The following MOK variants were observed in gnomAD, a reference collection of about 807,000 sequenced individuals.
MOK encodes the protein MOK protein kinase.
MOK carries 59 observed loss-of-function variants against 54.2 expected under a neutral mutation model. That is an observed-to-expected ratio of 1.09 (90% confidence interval 0.88 to 1.35). MOK has a LOEUF of 1.35. Among genes scored for constraint, MOK ranks in the 40% most tolerant of loss-of-function variants. The pLI, the probability that MOK is intolerant of heterozygous loss-of-function variation, is 0.00. For missense variants in MOK, 517 were observed against 526.2 expected (o/e 0.98, Z 0.17); for synonymous variants, 210 against 202.7 (o/e 1.04, Z -0.31).
At chr14:102,294,319 A>G (rs1402312023) in intron 1 of MOK, among the ~76,000 whole-genome samples, 7 of 151,336 alleles carry the variant, frequency 4.6e-5, no homozygotes, top group Non-Finnish European at 8.8e-5. Flanking sequence ...GGTGGTGGGC[A>G]CGTGTAGTCC....
chr14:102,297,637 C>T lies in MOK; in HGVS notation c.7+7325G>A, dbSNP rs543393564. Among the ~76,000 whole-genome samples, 535 of 152,312 alleles carry T rather than the reference C, an allele frequency of 3.5e-3. 2 individuals are homozygous for T. Among genetic ancestry groups the T allele is most frequent in the Non-Finnish European group, 5.0e-3 (342 of 68,026 alleles). ...GCTGGCCGGGGCCAGAGCCGGCTCC[C>T]TCAGCTTGCGGGGAGGTGTGGAGGA... is the stretch of plus-strand genomic sequence containing the variant. On this transcript the variant is annotated intron_variant, in intron 1 of 11. Transcript: ENST00000361847.
intron 1 of MOK, among the ~76,000 whole-genome samples, chr14:102,291,147 C>G (rs573238888): frequency 1.3e-5 from 2 of 152,264 alleles, no homozygotes; most frequent in Non-Finnish European, 2.9e-5. Context: ...GGACAGAGCA[C>G]GGTACCATAT....
At chr14:102,234,999 C>T (rs1187819536) in intron 7 of MOK, 1 of 151,896 alleles carries the variant, frequency 6.6e-6, no homozygotes, top group East Asian at 1.9e-4. Context: ...GACGACTTCT[C>T]CTTCTTTGAT....
At chr14:102,217,248 G>A in the MOK span, among the ~76,000 whole-genome samples, 5 of 152,162 alleles carry the variant, frequency 3.3e-5, no homozygotes, top group Admixed American at 2.0e-4. Context: ...GTGACAGCCC[G>A]GGCCGGTGCT....
downstream of MOK, chr14:102,224,499 A>T: frequency 2.3e-6 from 1 of 444,194 alleles, no homozygotes; most frequent in Non-Finnish European, 4.5e-6. Context: ...ATACAACTGG[A>T]TCCTTCGAAA....
At chr14:102,218,929 C>T in the MOK span, among the ~76,000 whole-genome samples, 1 of 152,224 alleles carries the variant, frequency 6.6e-6, no homozygotes, top group Non-Finnish European at 1.5e-5. Context: ...TTGCCAGGTC[C>T]TCCGTCGGCC....
intron 7 of MOK, among the ~76,000 whole-genome samples, chr14:102,234,702 T>G (rs1256931668): frequency 6.6e-6 from 1 of 152,138 alleles, no homozygotes; most frequent in Non-Finnish European, 1.5e-5. Context: ...CGTTCAGAAA[T>G]CTGCCCTAAA....
intron 4 of MOK, among the ~76,000 whole-genome samples, chr14:102,261,541 T>A (rs940794449): frequency 4.7e-5 from 7 of 148,978 alleles, no homozygotes; most frequent in South Asian, 4.2e-4. Flanking sequence ...ATTTTTTTTT[T>A]ATTTTCTGTT....
In MOK at chr14:102,245,513, T is replaced by C. The variant is rs1174734641; in HGVS notation, c.590+5299A>G. ...GGTCCCTGCCTTAACTGATATTTCC[T>C]TGTGAAATTCCTTTTCTCAGAAGCT... is the stretch of plus-strand genomic sequence containing the variant. On this transcript the variant is annotated intron_variant, in intron 7 of 11. Coordinates refer to ENST00000361847, the MANE Select transcript of MOK (RefSeq NM_014226.3). This position sits in a 1 kb window ranked among gnomAD's most constrained non-coding sequence, Gnocchi z 4.3. Among the ~76,000 whole-genome samples, 1 of 152,150 alleles carries C rather than the reference T, an allele frequency of 6.6e-6. No individual in the cohort carries two copies. Among genetic ancestry groups the C allele is most frequent in the African/African-American group, 2.4e-5 (1 of 41,432 alleles).
chr14:102,293,701 C>CCAAAAAAAAAAAAAAAAAAAAAAAAAAAA (rs1432616309), intron 1 of MOK, among the ~76,000 whole-genome samples: 1 of 54,598 alleles, frequency 1.8e-5, no homozygotes, highest in Admixed American at 2.8e-4. Flanking sequence ...AACTCCATCA[C>CCAAAAAAAAAAAAAAAAAAAAAAAAAAAA]AAAAAAAAAA....
chr14:102,229,575 G>A lies in MOK; in HGVS notation c.1064C>T (p.Ser355Leu), dbSNP rs750706626. Residue 355 changes from serine (S) to leucine (L), a missense_variant, in exon 11 of 12, where the codon TCG (serine) becomes TTG (leucine). Physicochemically the swap from Ser to Leu is moderately radical, Grantham distance 145. Transcript: ENST00000361847. The stretch of plus-strand genomic sequence containing the variant: ...GTAAGACGACAGTCTGACCACTCCC[G>A]AAAGCTTTAGTTTGGGCAGTTCCAT... ...YVMELPKLKL[S>L]GVVRLSSYSS... The A allele has an allele frequency of 8.1e-6, 13 of 1,614,188 alleles. No homozygotes were observed. The highest frequency in any genetic ancestry group is 5.0e-5 in the Admixed American group (3 of 60,026).
intron 1 of MOK, among the ~76,000 whole-genome samples, chr14:102,294,111 G>A (rs140214040): frequency 8.0e-5 from 12 of 150,902 alleles, no homozygotes; most frequent in Non-Finnish European, 1.3e-4. Context: ...ACCAGCCTGG[G>A]TAACATGGTG....
intron 1 of MOK, among the ~76,000 whole-genome samples, chr14:102,286,083 A>G (rs2070027057): frequency 6.6e-6 from 1 of 150,788 alleles, no homozygotes; most frequent in Admixed American, 6.6e-5. Flanking sequence ...GCGGATCACG[A>G]GGTCAGAAGA....
rs1395709357 is a variant in MOK, at chr14:102,263,345, G to A, written c.283+201C>T. Among the ~76,000 whole-genome samples, 2 of 152,252 alleles carry A rather than the reference G, an allele frequency of 1.3e-5. 1 individual carries two copies. The highest frequency in any genetic ancestry group is 2.9e-5 in the Non-Finnish European group (2 of 68,040). On this transcript the variant is annotated intron_variant, in intron 4 of 11. Coordinates refer to ENST00000361847, the MANE Select transcript of MOK (RefSeq NM_014226.3). ...CACATGGGCACCCAGAGGGCCTGGGGCTTCCTTTCTTGTTTGCAGCCATGT... is the reference window on the plus strand; with the variant it reads ...CACATGGGCACCCAGAGGGCCTGGGACTTCCTTTCTTGTTTGCAGCCATGT...
intron 1 of MOK, among the ~76,000 whole-genome samples, chr14:102,294,215 G>A (rs1487552426): frequency 6.6e-6 from 1 of 150,770 alleles, no homozygotes; most frequent in African/African-American, 2.5e-5. Context: ...GGGAGGCCAA[G>A]GCGGGCGGAT....
intron 1 of MOK, among the ~76,000 whole-genome samples, chr14:102,299,310 T>G (rs1288221319): frequency 6.6e-6 from 1 of 152,152 alleles, no homozygotes; most frequent in African/African-American, 2.4e-5. Flanking sequence ...GGTCAGGAGT[T>G]CGAGACCAAC....
chr14:102,262,656 A>G, intron 4 of MOK, among the ~76,000 whole-genome samples: 1 of 152,252 alleles, frequency 6.6e-6, no homozygotes, highest in East Asian at 1.9e-4. Context: ...GTCTTCTTCC[A>G]TCACAAAAAT....
chr14:102,214,694 C>T, the MOK span: 1 of 982,286 alleles, frequency 1.0e-6, no homozygotes, highest in Admixed American at 6.2e-5. Context: ...GTAAAATTCA[C>T]ATGTATTTCC....
intron 2 of MOK, among the ~76,000 whole-genome samples, chr14:102,272,520 C>G (rs1163439033): frequency 6.6e-6 from 1 of 151,580 alleles, no homozygotes; most frequent in East Asian, 1.9e-4. Context: ...TACAAAAATA[C>G]TTGACAAAAT....
Sources: allele counts gnomAD v4.1 joint callset (sites outside exome capture counted in the v4.1 genomes callset), GRCh38; gene constraint gnomAD v4.1.1; non-coding constraint Gnocchi (gnomAD v3.1); transcripts MANE v1.5; gene names NCBI Gene and HGNC (gene_info 2026-07-23, HGNC 2026-07-21).